The following SYN2 variants were observed in gnomAD, a reference collection of about 807,000 sequenced individuals.
The protein encoded by SYN2 is synapsin II.
Under a neutral mutation model 50.9 loss-of-function variants are expected in SYN2, and 19 were observed. The ratio of observed to expected loss-of-function variants is 0.37; its 90% CI spans 0.26 to 0.55. The LOEUF (loss-of-function observed/expected upper bound fraction) is 0.55, where lower values mean the gene tolerates loss of function less well. Among genes scored for constraint, SYN2 ranks in the 20% least tolerant of loss-of-function variants. The pLI is 0.81. For missense variants in SYN2, 587 were observed against 576.4 expected, an observed-to-expected ratio of 1.02 and a Z score of -0.19; for synonymous variants, 255 against 224.9, an observed-to-expected ratio of 1.13 and a Z score of -1.20.
chr3:12,150,352 TAC>T (rs896851327), intron 4 of SYN2, among the ~76,000 whole-genome samples: 4 of 152,218 alleles, frequency 2.6e-5, no homozygotes, highest in Non-Finnish European at 5.9e-5. Context: ...GCATAGTTTC[TAC>T]AGAGCCTGAA....
chr3:12,010,778 C>T (rs307566), intron 1 of SYN2, among the ~76,000 whole-genome samples: 142,121 of 152,338 alleles, frequency 0.93, 66,385 homozygotes, highest in East Asian at 1. Context: ...CAGAGACATA[C>T]GTCAATAAAT....
chr3:12,091,265 AT>A (rs1025467173), intron 1 of SYN2, among the ~76,000 whole-genome samples: 6 of 152,108 alleles, frequency 3.9e-5, no homozygotes, highest in Non-Finnish European at 5.9e-5. Flanking sequence ...GAGGATATGT[AT>A]TTTTTTTCTC....
At chr3:12,028,827 G>A in intron 1 of SYN2, among the ~76,000 whole-genome samples, 1 of 144,426 alleles carries the variant, frequency 6.9e-6, no homozygotes, top group Non-Finnish European at 1.5e-5. Context: ...GTTGTAGGTT[G>A]CCTGTTCACT....
At chr3:12,140,766 C>T in intron 2 of SYN2, 58 bp downstream of exon 2, 1 of 723,680 alleles carries the variant, frequency 1.4e-6, no homozygotes, top group Non-Finnish European at 2.6e-6. Flanking sequence ...TCTTGACATG[C>T]CAGAGTGAAC....
At chr3:12,088,341 A>G (rs1695755340) in intron 1 of SYN2, among the ~76,000 whole-genome samples, 1 of 151,346 alleles carries the variant, frequency 6.6e-6, no homozygotes, top group Admixed American at 6.6e-5. Context: ...AGGGAAACGC[A>G]AATAAAAACC....
intron 5 of SYN2, among the ~76,000 whole-genome samples, chr3:12,151,863 A>G (rs1029737236): frequency 6.6e-6 from 1 of 152,158 alleles, no homozygotes; most frequent in Non-Finnish European, 1.5e-5. Context: ...CAACTGTGAT[A>G]AGGCTGGGTT....
intron 1 of SYN2, among the ~76,000 whole-genome samples, chr3:12,047,779 T>C (rs963074087): frequency 4.6e-5 from 7 of 152,232 alleles, no homozygotes; most frequent in Middle Eastern, 3.2e-3. Flanking sequence ...CTTCCATTTG[T>C]AAAACAGGAA....
At chr3:12,070,368 T>A (rs1217832685) in intron 1 of SYN2, 1 of 520,922 alleles carries the variant, frequency 1.9e-6, no homozygotes, top group Non-Finnish European at 3.9e-6. Context: ...TGGGCATGGG[T>A]CAGAAGGACT....
At chr3:12,163,363 G>C (rs1275238581) in intron 7 of SYN2, among the ~76,000 whole-genome samples, 1 of 151,962 alleles carries the variant, frequency 6.6e-6, no homozygotes, top group Admixed American at 6.5e-5. Flanking sequence ...AGGTTGAGCA[G>C]CCTTCCCTTT....
chr3:12,043,244 G>C (rs772736436), intron 1 of SYN2, among the ~76,000 whole-genome samples: 32 of 152,008 alleles, frequency 2.1e-4, no homozygotes, highest in Non-Finnish European at 2.9e-4. Context: ...GGCTGGTCTC[G>C]AGCGCCTGAC....
intron 1 of SYN2, among the ~76,000 whole-genome samples, 190 bp downstream of exon 1, chr3:12,005,118 C>T (rs1693767682): frequency 1.3e-5 from 2 of 152,072 alleles, no homozygotes; most frequent in Admixed American, 1.3e-4. Context: ...TCCATCAGCC[C>T]GGAAAGGCGA....
At chr3:12,160,453 A>G (rs1013965528) in intron 5 of SYN2, among the ~76,000 whole-genome samples, 10 of 152,210 alleles carry the variant, frequency 6.6e-5, no homozygotes, top group African/African-American at 2.4e-4. Flanking sequence ...CATCAGGGTC[A>G]ACATTATTTC....
chr3:12,147,650 C>T (rs948422446), intron 4 of SYN2, among the ~76,000 whole-genome samples: 1 of 152,272 alleles, frequency 6.6e-6, no homozygotes, highest in Non-Finnish European at 1.5e-5. Context: ...CTCCTAGCCA[C>T]ACAGGGTGAT....
chr3:12,162,060 G>T lies in SYN2; in HGVS notation c.886G>T (p.Ala296Ser), dbSNP rs773847541. 2.5e-6 allele frequency: 4 copies of T among 1,613,910 alleles called. No individual in the cohort carries two copies. The African/African-American group carries it at 5.3e-5, about 22-fold the overall frequency. ...YDFQDIASVV[A>S]LTQTYATAEP... is the part of the protein sequence containing the mutation. ...CTTCCAGGACATTGCCAGCGTGGTG[G>T]CTCTCACCCAGACCTATGCCACTGC... is the stretch of plus-strand genomic sequence containing the variant. The change falls in exon 7 of 13, where the codon GCT becomes TCT. Residue 296 changes from alanine to serine, a missense_variant. By Grantham distance (99) the Ala-to-Ser change is moderately conservative. Coordinates refer to ENST00000621198, the MANE Select transcript of SYN2 (RefSeq NM_133625.6).
intron 1 of SYN2, among the ~76,000 whole-genome samples, chr3:12,110,122 A>C (rs1574945934): frequency 6.6e-6 from 1 of 152,294 alleles, no homozygotes; most frequent in East Asian, 1.9e-4. Context: ...CCAGGGTTCA[A>C]GTGTACAGTG....
At position 12,062,536 on chromosome 3, in the gene SYN2, A is replaced by G. The variant is rs79748245; in HGVS notation, c.377+57608A>G. Among the ~76,000 whole-genome samples the G allele has an allele frequency of 2.0e-4, 31 of 152,164 alleles. No homozygotes were observed. The East Asian group carries it at 4.6e-3, about 23-fold the overall frequency. Reference sequence around the variant, plus strand: ...TATTAAAGTTGAAAATTTCTGCTCTATAGAAGACATTGTTAAGAGAATTGA... The same window carrying G: ...TATTAAAGTTGAAAATTTCTGCTCTGTAGAAGACATTGTTAAGAGAATTGA... On this transcript the variant is annotated intron_variant, in intron 1 of 12. Transcript: ENST00000621198.
intron 5 of SYN2, among the ~76,000 whole-genome samples, chr3:12,155,953 C>T (rs1293372011): frequency 1.3e-5 from 2 of 152,206 alleles, no homozygotes; most frequent in Non-Finnish European, 2.9e-5. Context: ...TACAATTCCA[C>T]ATCCTCAGAG....
At chr3:12,128,819 GA>G (rs1405103984) in intron 1 of SYN2, among the ~76,000 whole-genome samples, 1 of 151,936 alleles carries the variant, frequency 6.6e-6, no homozygotes, top group Non-Finnish European at 1.5e-5. Context: ...AAAAGAGGAG[GA>G]AAAAAACCCC....
chr3:12,096,902 C>T (rs903046551), intron 1 of SYN2, among the ~76,000 whole-genome samples: 6 of 152,050 alleles, frequency 3.9e-5, no homozygotes, highest in African/African-American at 1.4e-4. Context: ...ACCTGTAGAG[C>T]ACCATCAAGT....
Sources: allele counts gnomAD v4.1 joint callset (sites outside exome capture counted in the v4.1 genomes callset), GRCh38; gene constraint gnomAD v4.1.1; transcripts MANE v1.5; gene names NCBI Gene and HGNC (gene_info 2026-07-23, HGNC 2026-07-21).